Variants in CFAP61 observed in about 807,000 individuals in gnomAD.
The protein encoded by CFAP61 is cilia- and flagella-associated protein 61.
In CFAP61, 107 loss-of-function variants were observed where a neutral mutation model predicts 135.6. That is an observed-to-expected ratio of 0.79 (90% CI 0.67 to 0.93). The LOEUF (loss-of-function observed/expected upper bound fraction) is 0.93, where lower values mean the gene tolerates loss of function less well. Among genes scored for constraint, CFAP61 ranks in the 40% least tolerant of loss-of-function variants. CFAP61 has a pLI of 0.00. For missense variants in CFAP61, 1,507 were observed against 1,556.2 expected (o/e 0.97, Z 0.53); for synonymous variants, 575 against 578.5 (o/e 0.99, Z 0.09).
chr20:20,085,269 G>A (rs967251710), intron 6 of CFAP61: 3 of 985,306 alleles, frequency 3.0e-6, no homozygotes, highest in African/African-American at 1.7e-5. Context: ...ACATTTGACT[G>A]CATGAGTTGT....
At position 20,142,953 on chromosome 20, in the gene CFAP61, G is replaced by A. The variant is rs767981158; in HGVS notation, c.951+5G>A. 1 of 1,558,694 alleles carries A rather than the reference G, an allele frequency of 6.4e-7. No individual in the cohort carries two copies. The highest frequency in any genetic ancestry group is 1.2e-5 in the South Asian group (1 of 85,636). On this transcript the variant is annotated splice_donor_5th_base_variant and intron_variant, in intron 9 of 26. Transcript: ENST00000245957. Reference sequence around the variant, plus strand: ...GATACCATGGAAAACATCCAGGTGAGAGAGACTATCCCTCCATGCCTAGGG... The same window carrying A: ...GATACCATGGAAAACATCCAGGTGAAAGAGACTATCCCTCCATGCCTAGGG...
At chr20:20,159,650 T>C (rs1227126539) in intron 10 of CFAP61, among the ~76,000 whole-genome samples, 1 of 152,214 alleles carries the variant, frequency 6.6e-6, no homozygotes, top group Non-Finnish European at 1.5e-5. Context: ...TTCTTCTGTA[T>C]CCTCTGCATG....
At chr20:20,083,467 C>A (rs567906002) in intron 6 of CFAP61, among the ~76,000 whole-genome samples, 2 of 152,138 alleles carry the variant, frequency 1.3e-5, no homozygotes, top group Admixed American at 1.3e-4. Context: ...TGACTAAAAA[C>A]CACCTGTATT....
At chr20:20,353,446 CCCGGAA>C (rs578054174) in intron 26 of CFAP61, among the ~76,000 whole-genome samples, 20 of 152,230 alleles carry the variant, frequency 1.3e-4, no homozygotes, top group Non-Finnish European at 2.9e-4. Flanking sequence ...CAACCTACCA[CCCGGAA>C]CTGAAATAAC....
At chr20:20,345,883 CTTTTTTTTTTT>C (rs756813997) in intron 26 of CFAP61, among the ~76,000 whole-genome samples, 36 of 50,432 alleles carry the variant, frequency 7.1e-4, no homozygotes, top group African/African-American at 2.2e-3. Flanking sequence ...GATTGTGCCA[CTTTTTTTTTTT>C]TTTTTTTTTT....
intron 25 of CFAP61, among the ~76,000 whole-genome samples, chr20:20,336,461 A>T (rs1055119459): frequency 2.0e-5 from 3 of 152,002 alleles, no homozygotes; most frequent in African/African-American, 7.3e-5. Flanking sequence ...TTTCTGAAAG[A>T]TTCCAAATAG....
chr20:20,182,816 T>C (rs1053770636), intron 13 of CFAP61, among the ~76,000 whole-genome samples: 1 of 152,256 alleles, frequency 6.6e-6, no homozygotes, highest in Admixed American at 6.5e-5. Context: ...ATGAGAATGC[T>C]TTATTAGGCA....
At chr20:20,172,082 A>G (rs1239568144) in intron 13 of CFAP61, 24 of 539,474 alleles carry the variant, frequency 4.4e-5, no homozygotes, top group Non-Finnish European at 5.8e-5. Context: ...TAGGTTGGGC[A>G]TGTGTCCAGT....
chr20:20,063,672 C>G (rs954029727), intron 2 of CFAP61, among the ~76,000 whole-genome samples: 2 of 152,030 alleles, frequency 1.3e-5, no homozygotes, highest in African/African-American at 4.8e-5. Flanking sequence ...AATGAGGATG[C>G]CTGTTGTCAT....
intron 8 of CFAP61, among the ~76,000 whole-genome samples, chr20:20,130,060 C>T (rs1022251178): frequency 2.7e-4 from 41 of 151,724 alleles, no homozygotes; most frequent in African/African-American, 9.7e-4. Flanking sequence ...GAGGCCAAGG[C>T]GGGCAGATCA....
At position 20,326,220 on chromosome 20, in the gene CFAP61, C is replaced by G. The variant is rs1221418709; in HGVS notation, c.3423-15611C>G. 2.0e-5 allele frequency among the ~76,000 whole-genome samples: 3 copies of G among 152,182 alleles called. No homozygotes were observed. The East Asian group carries it at 5.8e-4, about 29-fold the overall frequency. Reference sequence around the variant, plus strand: ...AAGAGCTCTTTGTGTATTTGGTTTACTATTCCTTTATTGGATATGTGTTTT... The same window carrying G: ...AAGAGCTCTTTGTGTATTTGGTTTAGTATTCCTTTATTGGATATGTGTTTT... On this transcript the variant is annotated intron_variant, in intron 25 of 26. Transcript: ENST00000245957.
At chr20:20,175,880 G>A (rs917249767) in intron 13 of CFAP61, among the ~76,000 whole-genome samples, 2 of 151,908 alleles carry the variant, frequency 1.3e-5, no homozygotes, top group African/African-American at 2.4e-5. Flanking sequence ...AAATAATTGT[G>A]ATTTATTACA....
intron 9 of CFAP61, among the ~76,000 whole-genome samples, chr20:20,145,848 C>T (rs1004579776): frequency 4.6e-5 from 7 of 152,058 alleles, no homozygotes; most frequent in East Asian, 3.8e-4. Context: ...TCAAAACATA[C>T]GAAGCAAAAA....
chr20:20,101,108 A>G (rs1173020700), intron 8 of CFAP61, among the ~76,000 whole-genome samples: 2 of 152,214 alleles, frequency 1.3e-5, no homozygotes, highest in Non-Finnish European at 2.9e-5. Flanking sequence ...TATCTAAGAA[A>G]AGAGTCATCA....
At chr20:20,123,982 T>TG (rs1315265654) in intron 8 of CFAP61, among the ~76,000 whole-genome samples, 2 of 147,804 alleles carry the variant, frequency 1.4e-5, no homozygotes, top group Admixed American at 1.3e-4. Context: ...TTTTTTTTTT[T>TG]TTTTTTTTTT....
chr20:20,099,127 TCACA>T (rs11087302), intron 8 of CFAP61, among the ~76,000 whole-genome samples: 19 of 149,474 alleles, frequency 1.3e-4, no homozygotes, highest in South Asian at 2.1e-4. Flanking sequence ...GTTTCAGGTT[TCACA>T]CACACACACA....
At chr20:20,316,301 A>G (rs1183627650) in intron 25 of CFAP61, among the ~76,000 whole-genome samples, 3 of 151,888 alleles carry the variant, frequency 2.0e-5, no homozygotes, top group Admixed American at 6.6e-5. Context: ...CTTTGAAGCA[A>G]TTGTGAATGG....
At chr20:20,091,588 C>A (rs2047204718) in intron 7 of CFAP61, among the ~76,000 whole-genome samples, 1 of 151,924 alleles carries the variant, frequency 6.6e-6, no homozygotes, top group Non-Finnish European at 1.5e-5. Context: ...GTAAGTATTT[C>A]AATGTATATT....
chr20:20,246,033 G>A, intron 18 of CFAP61, 84 bp from the exon 19 acceptor site: 1 of 818,626 alleles, frequency 1.2e-6, no homozygotes, highest in Non-Finnish European at 2.0e-6. Flanking sequence ...GATGACACGT[G>A]ATATAAAGTT....
Sources: allele counts gnomAD v4.1 joint callset (sites outside exome capture counted in the v4.1 genomes callset), GRCh38; gene constraint gnomAD v4.1.1; transcripts MANE v1.5; gene names NCBI Gene and HGNC (gene_info 2026-07-23, HGNC 2026-07-21).